Variants in STAG1 observed in about 807,000 individuals in gnomAD.
The protein encoded by STAG1 is cohesin subunit SA-1.
A neutral mutation model predicts 170.9 loss-of-function variants in STAG1; 26 were observed. That is an observed-to-expected ratio of 0.15 (90% CI 0.11 to 0.21). The LOEUF is 0.21. Ranked by LOEUF, STAG1 falls within the 10% of genes least tolerant of loss-of-function variation. STAG1 has a pLI of 1.00. For synonymous variants in STAG1, 514 were observed against 497.7 expected (o/e 1.03, Z -0.44); for missense variants, 964 against 1,509.5 (o/e 0.64, Z 5.99).
At chr3:136,512,473 C>T (rs769468996) in intron 7 of STAG1, among the ~76,000 whole-genome samples, 2 of 152,152 alleles carry the variant, frequency 1.3e-5, no homozygotes, top group Non-Finnish European at 2.9e-5. Context: ...CCAAGCCAGG[C>T]AGTCAAGCAA....
intron 7 of STAG1, among the ~76,000 whole-genome samples, chr3:136,506,261 A>C (rs186829891): frequency 3.1e-4 from 47 of 152,164 alleles, no homozygotes; most frequent in Admixed American, 2.4e-3. Context: ...GCCTTTGGCA[A>C]CTCAGTGAAA....
intron 10 of STAG1, among the ~76,000 whole-genome samples, chr3:136,474,874 A>G (rs531738704): frequency 6.6e-6 from 1 of 152,124 alleles, no homozygotes; most frequent in Non-Finnish European, 1.5e-5. Flanking sequence ...CACCTAGCAC[A>G]TAGACCCCTA....
intron 3 of STAG1, among the ~76,000 whole-genome samples, chr3:136,610,153 C>T (rs540697727): frequency 3.0e-4 from 46 of 152,224 alleles, no homozygotes; most frequent in Non-Finnish European, 5.7e-4. Flanking sequence ...TCTCCTGCCT[C>T]AGCCTCCCAA....
At chr3:136,671,404 G>A (rs1316303135) in intron 1 of STAG1, among the ~76,000 whole-genome samples, 1 of 152,092 alleles carries the variant, frequency 6.6e-6, no homozygotes, top group Non-Finnish European at 1.5e-5. Flanking sequence ...CTCTATTTGG[G>A]TCTCAATGGA....
At chr3:136,685,697 T>C (rs1942496779) in intron 1 of STAG1, among the ~76,000 whole-genome samples, 1 of 152,160 alleles carries the variant, frequency 6.6e-6, no homozygotes, top group Admixed American at 6.6e-5. Context: ...AGATTATATA[T>C]TGTATGATTC....
At chr3:136,405,847 A>G (rs2087469207) in intron 21 of STAG1, among the ~76,000 whole-genome samples, 1 of 150,592 alleles carries the variant, frequency 6.6e-6, no homozygotes, top group Non-Finnish European at 1.5e-5. Context: ...GCATGATGAG[A>G]TACCACTATA....
chr3:136,429,263 T>C (rs2088223721), intron 16 of STAG1, among the ~76,000 whole-genome samples: 1 of 152,038 alleles, frequency 6.6e-6, no homozygotes, highest in Non-Finnish European at 1.5e-5. Context: ...AAAAACTAGC[T>C]GGCCCTGGTG....
chr3:136,440,046 A>C (rs185609560), intron 15 of STAG1, among the ~76,000 whole-genome samples: 96 of 152,354 alleles, frequency 6.3e-4, no homozygotes, highest in African/African-American at 2.3e-3. Flanking sequence ...ACACTTAGTA[A>C]TTATTATTTA....
intron 1 of STAG1, among the ~76,000 whole-genome samples, chr3:136,667,680 G>A (rs1258901922): frequency 6.6e-6 from 1 of 152,032 alleles, no homozygotes; most frequent in African/African-American, 2.4e-5. Flanking sequence ...ATTTTTAGTA[G>A]AGACAGGGTT....
At chr3:136,524,840 C>G (rs1366508523) in intron 6 of STAG1, among the ~76,000 whole-genome samples, 1 of 152,164 alleles carries the variant, frequency 6.6e-6, no homozygotes, top group African/African-American at 2.4e-5. Flanking sequence ...TTTTCAGCAT[C>G]TATTGAGATA....
intron 1 of STAG1, among the ~76,000 whole-genome samples, chr3:136,748,221 G>T (rs1935049693): frequency 6.6e-6 from 1 of 151,770 alleles, no homozygotes; most frequent in Non-Finnish European, 1.5e-5. Flanking sequence ...CCAACAAGGT[G>T]AAACACTGTC....
intron 1 of STAG1, among the ~76,000 whole-genome samples, chr3:136,678,858 AAAAAAAAAG>A (rs1182401171): frequency 3.3e-5 from 5 of 151,054 alleles, no homozygotes; most frequent in African/African-American, 1.2e-4. Context: ...CACAAAAAAA[AAAAAAAAAG>A]AAAAAGAAGA....
intron 26 of STAG1, among the ~76,000 whole-genome samples, chr3:136,361,981 G>T (rs1387863292): frequency 6.6e-6 from 1 of 151,650 alleles, no homozygotes; most frequent in Non-Finnish European, 1.5e-5. Context: ...TTGAGACAGA[G>T]TTTTGCTCTT....
In STAG1 at chr3:136,604,322, T is replaced by C. The variant is rs147882530; in HGVS notation, c.284A>G (p.Lys95Arg). ...CTTAAAATTTACCTGCATTGCACTT[T>C]TCCCCAGTTTCACCACCTCAAATAA... ...VTLFEVVKLG[K>R]SAMQSVVDDW... The change falls in exon 4 of 34, where the codon AAA becomes AGA. Residue 95 changes from lysine (K) to arginine (R), a missense_variant. Around this residue, in one of 11 missense-constraint regions of STAG1, gnomAD observed 108 missense variants for 120.2 expected, o/e 0.90. Transcript: ENST00000383202. The C allele has an allele frequency of 3.5e-5, 57 of 1,605,790 alleles. No individual in the cohort carries two copies. The highest frequency in any genetic ancestry group is 4.8e-5 in the Non-Finnish European group (56 of 1,178,206).
chr3:136,522,260 G>A (rs1934717468), intron 6 of STAG1, among the ~76,000 whole-genome samples: 1 of 152,170 alleles, frequency 6.6e-6, no homozygotes, highest in Non-Finnish European at 1.5e-5. Context: ...GGAGTCATAG[G>A]AAAGAGAACT....
rs1204964411 is a variant in STAG1 at position 136,626,127 on chromosome 3, T to C, written c.30-2879A>G. ...AAATGATGTCCAGGGTCAGCAAGCT[T>C]TTTCATAAAGATCCATACAGCCGGG... is the stretch of plus-strand genomic sequence containing the variant. On this transcript the variant is annotated intron_variant, in intron 2 of 33. Coordinates refer to ENST00000383202, the MANE Select transcript of STAG1 (RefSeq NM_005862.3). Among the ~76,000 whole-genome samples the C allele has an allele frequency of 2.0e-5, 3 of 151,942 alleles. No homozygotes were observed. In the East Asian group the frequency reaches 5.8e-4, roughly 29 times the overall value.
intron 4 of STAG1, among the ~76,000 whole-genome samples, chr3:136,569,491 T>C (rs915534382): frequency 3.9e-5 from 6 of 151,972 alleles, no homozygotes; most frequent in Middle Eastern, 3.4e-3. Flanking sequence ...AATATATTTG[T>C]TGTTGAAATA....
At chr3:136,359,681 C>T (rs114262635) in intron 26 of STAG1, among the ~76,000 whole-genome samples, 12 of 152,142 alleles carry the variant, frequency 7.9e-5, no homozygotes, top group Admixed American at 7.9e-4. Context: ...AGGCGTGTAC[C>T]ACCATGCCCA....
At chr3:136,375,036 A>G (rs561977127) in intron 23 of STAG1, among the ~76,000 whole-genome samples, 6 of 152,362 alleles carry the variant, frequency 3.9e-5, no homozygotes, top group African/African-American at 1.4e-4. Context: ...GCCTAAGAGG[A>G]ATAGGCCATA....
Sources: gnomAD v4.1 joint callset for allele counts (sites outside exome capture counted in the v4.1 genomes callset) on GRCh38, gnomAD v4.1.1 for gene constraint, gnomAD v4.1.1 regional missense constraint, MANE v1.5 for transcripts, NCBI Gene and HGNC (gene_info 2026-07-23, HGNC 2026-07-21) for gene names.